Variants in AGBL1 observed in about 807,000 individuals in gnomAD.
AGBL1 encodes the protein AGBL carboxypeptidase 1.
Under a neutral mutation model 118.9 loss-of-function variants are expected in AGBL1, and 130 were observed. The ratio of observed to expected loss-of-function variants is 1.09; its 90% CI spans 0.95 to 1.26. The LOEUF (loss-of-function observed/expected upper bound fraction) is 1.26. AGBL1 is among the 50% of genes most tolerant of loss of function. The pLI is 0.00. For synonymous variants in AGBL1, 555 were observed against 478.9 expected (o/e 1.16, Z -2.08); for missense variants, 1,584 against 1,298.1 (o/e 1.22, Z -3.38).
intron 5 of AGBL1, among the ~76,000 whole-genome samples, chr15:86,182,278 C>T (rs1202374409): frequency 6.6e-6 from 1 of 151,730 alleles, no homozygotes; most frequent in Non-Finnish European, 1.5e-5. Flanking sequence ...CCTCTTCCTC[C>T]CTTCCTCTCT....
At chr15:86,543,513 A>G (rs182681699) in intron 19 of AGBL1, among the ~76,000 whole-genome samples, 87 of 152,320 alleles carry the variant, frequency 5.7e-4, no homozygotes, top group Non-Finnish European at 4.4e-5. Flanking sequence ...ACTTTTTCAG[A>G]CCAAAATGAT....
rs559201831 is a variant in AGBL1, at chr15:86,688,369, T to C, written c.3158+13933T>C. ...GAGGTCAAGGTGAGAGAGGGAACTC[T>C]GAATGAATTCAGGGTTTTCAAACTG... On this transcript the variant is annotated intron_variant, in intron 22 of 22. Coordinates refer to ENST00000614907, the MANE Select transcript of AGBL1 (RefSeq NM_001386094.1). Among the ~76,000 whole-genome samples the C allele has an allele frequency of 3.3e-5, 5 of 152,270 alleles. No homozygotes were observed. In the East Asian group the frequency reaches 9.7e-4, roughly 29 times the overall value.
chr15:86,143,885 C>T (rs62012445), intron 3 of AGBL1, 40 bp downstream of exon 3: 37,416 of 1,600,746 alleles, frequency 0.023, 499 homozygotes, highest in Middle Eastern at 0.05. Flanking sequence ...TGAAAAGGCA[C>T]TTCTAGGGTT....
intron 1 of AGBL1, among the ~76,000 whole-genome samples, chr15:86,106,651 C>G (rs1035043978): frequency 3.3e-5 from 5 of 152,234 alleles, no homozygotes; most frequent in African/African-American, 4.8e-5. Context: ...AAAATGTCAA[C>G]AGTGCCAAAG....
At chr15:86,478,166 G>T (rs1486801579) in intron 18 of AGBL1, among the ~76,000 whole-genome samples, 2 of 151,930 alleles carry the variant, frequency 1.3e-5, no homozygotes, top group South Asian at 2.1e-4. Flanking sequence ...CTTTGAAAAC[G>T]GGCACAAGAC....
At chr15:86,742,919 A>G (rs1041625432) in intron 22 of AGBL1, among the ~76,000 whole-genome samples, 3 of 152,126 alleles carry the variant, frequency 2.0e-5, no homozygotes. Flanking sequence ...AAATCAACAT[A>G]CTTCAATGCT....
intron 23 of AGBL1, among the ~76,000 whole-genome samples, chr15:86,935,875 A>G (rs1342632936): frequency 1.3e-5 from 2 of 152,260 alleles, no homozygotes; most frequent in East Asian, 3.8e-4. Context: ...TTCCAAATGT[A>G]TTCCCCTTTG....
rs189099347 is a variant in AGBL1 at position 87,022,781 on chromosome 15, T to C, written c.3324-6044T>C. ...ATTTCTCAGCAGAAACCGTACAAGC[T>C]AGAAGGGATTGGGGCCCTATTTTCA... is the stretch of plus-strand genomic sequence containing the variant. On this transcript the variant is annotated intron_variant, in intron 24 of 24. Coordinates refer to the AGBL1 transcript ENST00000441037. Among the ~76,000 whole-genome samples, 5 of 152,166 alleles carry C rather than the reference T, an allele frequency of 3.3e-5. No homozygotes were observed. The East Asian group carries it at 9.7e-4, about 29-fold the overall frequency.
chr15:86,282,854 G>C (rs1352373797), intron 16 of AGBL1, among the ~76,000 whole-genome samples: 1 of 152,148 alleles, frequency 6.6e-6, no homozygotes, highest in Admixed American at 6.5e-5. Context: ...TAATTTGCGA[G>C]TCTCCTATAA....
chr15:86,972,437 G>T (rs911198644), intron 23 of AGBL1, among the ~76,000 whole-genome samples: 20 of 151,982 alleles, frequency 1.3e-4, no homozygotes, highest in African/African-American at 4.8e-4. Context: ...ATGATAAATG[G>T]TCTATTGCAG....
chr15:86,629,922 C>T (rs2084939460), intron 21 of AGBL1, among the ~76,000 whole-genome samples: 2 of 152,218 alleles, frequency 1.3e-5, no homozygotes, highest in African/African-American at 4.8e-5. Flanking sequence ...TTATAACTCT[C>T]CTTAGTAGAA....
Position 86,298,261 on chromosome 15 carries a change from ATATAT to A in AGBL1, c.2374+2854_2374+2858del, listed in dbSNP as rs1567185685. Among the ~76,000 whole-genome samples the A allele has an allele frequency of 1.3e-3, 134 of 102,942 alleles. 1 individual carries two copies. Among genetic ancestry groups the A allele is most frequent in the African/African-American group, 5.4e-3 (122 of 22,646 alleles). 67.5% of individuals were successfully genotyped at this position (102,942 alleles called of 152,430 possible). ...GTCTGTGTATAATATATATATATAT[ATATAT>A]ATATATATATATATGGTAACTATAT... On this transcript the variant is annotated intron_variant, in intron 17 of 22. Transcript: ENST00000614907.
intron 23 of AGBL1, among the ~76,000 whole-genome samples, chr15:86,925,613 C>G (rs2080527716): frequency 6.6e-6 from 1 of 152,052 alleles, no homozygotes; most frequent in African/African-American, 2.4e-5. Context: ...CTTATGTAAG[C>G]AAAGTAGCTG....
intron 22 of AGBL1, among the ~76,000 whole-genome samples, chr15:86,904,801 CA>C (rs1189793901): frequency 6.7e-6 from 1 of 149,188 alleles, no homozygotes; most frequent in Non-Finnish European, 1.5e-5. Flanking sequence ...AGTAATTCCA[CA>C]AAAGATGATT....
chr15:86,616,339 C>CAAAA (rs199936794), intron 21 of AGBL1, among the ~76,000 whole-genome samples: 6 of 49,250 alleles, frequency 1.2e-4, no homozygotes, highest in African/African-American at 4.3e-4. Context: ...TCCTCCACTT[C>CAAAA]AAAAAAAAAA....
intron 23 of AGBL1, among the ~76,000 whole-genome samples, chr15:86,980,355 C>G (rs2081218713): frequency 6.6e-6 from 1 of 152,110 alleles, no homozygotes; most frequent in Admixed American, 6.6e-5. Flanking sequence ...GGAGATTTTG[C>G]CACCTGCGGG....
chr15:86,911,474 C>T lies in AGBL1; in HGVS notation c.*4180C>T, dbSNP rs1284325302. On this transcript the variant is annotated 3_prime_UTR_variant, in exon 23 of 23. Transcript: ENST00000614907. ...TTCCTTCAGAAGGAAGTCTAAATGT[C>T]TCAACAGATCCCTTTATAGCCTGGC... is the stretch of plus-strand genomic sequence containing the variant. 6.6e-6 allele frequency: 1 copy of T among 152,180 alleles called. No homozygotes were observed. Among genetic ancestry groups the T allele is most frequent in the African/African-American group, 2.4e-5 (1 of 41,430 alleles). 9.4% of individuals were successfully genotyped at this position (152,180 alleles called of 1,614,324 possible). A position where few individuals can be genotyped will look rare whatever the true frequency, so the allele number is the denominator to read the frequency against.
At chr15:86,266,565 A>G (rs2061003440) in intron 12 of AGBL1, 108 bp downstream of exon 12, 1 of 817,534 alleles carries the variant, frequency 1.2e-6, no homozygotes, top group East Asian at 2.8e-5. Flanking sequence ...CTAAAACAGC[A>G]TGATGAAAAT....
intron 23 of AGBL1, chr15:86,946,330 C>T (rs1320538793): frequency 6.6e-6 from 1 of 152,144 alleles, no homozygotes; most frequent in Non-Finnish European, 1.5e-5. Context: ...AATTCAAACT[C>T]CCATTCTGCT....
Sources: allele counts gnomAD v4.1 joint callset (sites outside exome capture counted in the v4.1 genomes callset), GRCh38; gene constraint gnomAD v4.1.1; transcripts MANE v1.5; gene names NCBI Gene and HGNC (gene_info 2026-07-23, HGNC 2026-07-21).